Variants in AGBL4 observed in about 807,000 individuals in gnomAD.
AGBL4 encodes cytosolic carboxypeptidase 6.
In AGBL4, 58 loss-of-function variants were observed where a neutral mutation model predicts 66.4. The observed-to-expected ratio is 0.87, with a 90% CI of 0.71 to 1.09. The LOEUF (loss-of-function observed/expected upper bound fraction) is 1.09. Among genes scored for constraint, AGBL4 ranks in the 50% least tolerant of loss-of-function variants. AGBL4 has a pLI of 0.00. For synonymous variants in AGBL4, 234 were observed against 222.9 expected, an observed-to-expected ratio of 1.05 and a Z score of -0.44; for missense variants, 579 against 631.0, an observed-to-expected ratio of 0.92 and a Z score of 0.88.
chr1:49,455,407 T>C (rs767097610), intron 3 of AGBL4, among the ~76,000 whole-genome samples: 25 of 151,690 alleles, frequency 1.6e-4, no homozygotes, highest in Admixed American at 4.0e-4. Context: ...GTAAAATATA[T>C]AGCACTATAG....
intron 1 of AGBL4, among the ~76,000 whole-genome samples, chr1:49,980,551 TATC>T (rs1408382310): frequency 1.3e-5 from 2 of 152,174 alleles, no homozygotes; most frequent in Non-Finnish European, 2.9e-5. Flanking sequence ...TTATTTCACT[TATC>T]ATAATGTCCT....
intron 2 of AGBL4, among the ~76,000 whole-genome samples, chr1:49,781,666 C>T (rs754116645): frequency 6.6e-6 from 1 of 152,040 alleles, no homozygotes; most frequent in African/African-American, 2.4e-5. Flanking sequence ...GCATACTCCA[C>T]CCAACAGCAG....
Position 48,701,859 on chromosome 1 carries a change from C to A in AGBL4, c.635-38618G>T, listed in dbSNP as rs181760016. Among the ~76,000 whole-genome samples the A allele has an allele frequency of 2.3e-3, 350 of 152,106 alleles. 4 individuals carry two copies. The highest frequency in any genetic ancestry group is 8.1e-3 in the African/African-American group (338 of 41,474). Reference sequence around the variant, plus strand: ...CTCTCAGTCTACTAGAGGAAATAGACATAAATGAATGAATGAATGAGTTAA... The same window carrying A: ...CTCTCAGTCTACTAGAGGAAATAGAAATAAATGAATGAATGAATGAGTTAA... On this transcript the variant is annotated intron_variant, in intron 6 of 13. Transcript: ENST00000371839.
chr1:48,947,932 C>T (rs539485962), intron 5 of AGBL4, among the ~76,000 whole-genome samples: 1 of 151,542 alleles, frequency 6.6e-6, no homozygotes, highest in Non-Finnish European at 1.5e-5. Flanking sequence ...CACTCGTGAC[C>T]CAGGCTGGAG....
intron 3 of AGBL4, among the ~76,000 whole-genome samples, chr1:49,688,850 C>T (rs953236742): frequency 2.6e-5 from 4 of 152,078 alleles, no homozygotes; most frequent in African/African-American, 9.7e-5. Flanking sequence ...TTTTCATATG[C>T]CTGTTTACCA....
At chr1:49,224,108 A>T (rs1649712808) in intron 4 of AGBL4, among the ~76,000 whole-genome samples, 1 of 152,244 alleles carries the variant, frequency 6.6e-6, no homozygotes, top group African/African-American at 2.4e-5. Flanking sequence ...GCATACGTGC[A>T]GAAAATATTG....
At chr1:49,566,747 G>A (rs1397202580) in intron 3 of AGBL4, among the ~76,000 whole-genome samples, 2 of 151,616 alleles carry the variant, frequency 1.3e-5, no homozygotes, top group Non-Finnish European at 2.9e-5. Flanking sequence ...CGGGGGTTAG[G>A]GACCCCTTGA....
chr1:49,619,324 A>C (rs779173394), intron 3 of AGBL4, among the ~76,000 whole-genome samples: 4 of 152,164 alleles, frequency 2.6e-5, no homozygotes, highest in Non-Finnish European at 4.4e-5. Flanking sequence ...ATACACCAAT[A>C]ATAGGCAAAC....
intron 3 of AGBL4, among the ~76,000 whole-genome samples, chr1:49,670,193 G>A (rs1646449869): frequency 6.6e-6 from 1 of 152,142 alleles, no homozygotes; most frequent in Non-Finnish European, 1.5e-5. Context: ...GGTACAAACA[G>A]AAGAAGTTTG....
chr1:49,862,761 A>G (rs980476853), intron 1 of AGBL4, among the ~76,000 whole-genome samples: 4 of 152,208 alleles, frequency 2.6e-5, no homozygotes, highest in African/African-American at 9.6e-5. Context: ...GCTGAAAGAA[A>G]AAAGCTTTTA....
At chr1:48,593,034 A>G (rs1270835065) in intron 9 of AGBL4, among the ~76,000 whole-genome samples, 2 of 152,178 alleles carry the variant, frequency 1.3e-5, no homozygotes, top group Non-Finnish European at 2.9e-5. Flanking sequence ...ATGTTGATTG[A>G]TCATATAATC....
At chr1:48,925,961 C>A (rs1251686101) in intron 5 of AGBL4, among the ~76,000 whole-genome samples, 1 of 152,086 alleles carries the variant, frequency 6.6e-6, no homozygotes, top group South Asian at 2.1e-4. Flanking sequence ...GAGGCATTCT[C>A]ATTATGAGGT....
At chr1:49,831,502 AT>A (rs974334910) in intron 2 of AGBL4, among the ~76,000 whole-genome samples, 13 of 152,130 alleles carry the variant, frequency 8.5e-5, no homozygotes, top group South Asian at 8.3e-4. Flanking sequence ...AACTAAGGAG[AT>A]TTGGGGCTGA....
At chr1:49,313,148 G>C (rs553578936) in intron 3 of AGBL4, among the ~76,000 whole-genome samples, 2 of 151,982 alleles carry the variant, frequency 1.3e-5, no homozygotes, top group South Asian at 2.1e-4. Context: ...TCTTGTTTTA[G>C]CTTGCTGAGA....
chr1:48,701,797 A>T (rs1254978131), intron 6 of AGBL4, among the ~76,000 whole-genome samples: 1 of 152,152 alleles, frequency 6.6e-6, no homozygotes, highest in Admixed American at 6.5e-5. Flanking sequence ...GTTGGGTTTT[A>T]TTGTTGAATA....
intron 11 of AGBL4, among the ~76,000 whole-genome samples, chr1:48,570,127 G>A (rs1004023158): frequency 6.6e-6 from 1 of 152,238 alleles, no homozygotes; most frequent in Non-Finnish European, 1.5e-5. Context: ...AATTAGTCAT[G>A]CACATGTGAA....
chr1:49,089,576 T>C (rs903769063), intron 4 of AGBL4, among the ~76,000 whole-genome samples: 1 of 151,980 alleles, frequency 6.6e-6, no homozygotes, highest in African/African-American at 2.4e-5. Context: ...AGAACAATAA[T>C]AAGTTCTGAA....
intron 4 of AGBL4, among the ~76,000 whole-genome samples, chr1:49,207,886 T>G (rs1377885295): frequency 6.6e-6 from 1 of 152,000 alleles, no homozygotes; most frequent in African/African-American, 2.4e-5. Flanking sequence ...ATTCCTGCTC[T>G]TGATTCTTTT....
intron 3 of AGBL4, among the ~76,000 whole-genome samples, chr1:49,554,735 G>A (rs143936361): frequency 0.011 from 1,719 of 152,254 alleles, 12 homozygotes; most frequent in Non-Finnish European, 0.018. Flanking sequence ...TCTTAAAGAT[G>A]GTGTGTCTGG....
Sources: gnomAD v4.1 joint callset for allele counts (sites outside exome capture counted in the v4.1 genomes callset) on GRCh38, gnomAD v4.1.1 for gene constraint, MANE v1.5 for transcripts, NCBI Gene and HGNC (gene_info 2026-07-23, HGNC 2026-07-21) for gene names.